CDH8: variants seen among roughly 807,000 people sequenced by gnomAD.
CDH8 encodes cadherin 8, also known as cadherin-8.
CDH8 carries 17 observed loss-of-function variants against 68.1 expected under a neutral mutation model. The observed-to-expected ratio is 0.25, with a 90% CI of 0.17 to 0.37. The LOEUF is 0.37. CDH8 is among the 10% of genes least tolerant of loss of function. The probability of loss-of-function intolerance (pLI) is 1.00; values close to 1 mark genes in which losing one functional copy is unlikely to be tolerated. For missense variants in CDH8, 763 were observed against 999.3 expected (o/e 0.76, Z 3.19); for synonymous variants, 372 against 365.1 (o/e 1.02, Z -0.21).
At chr16:62,012,776 C>A (rs1294688851) in intron 2 of CDH8, among the ~76,000 whole-genome samples, 1 of 152,056 alleles carries the variant, frequency 6.6e-6, no homozygotes, top group Non-Finnish European at 1.5e-5. Flanking sequence ...AGTTACTAAT[C>A]TGAATCAATG....
Position 61,976,787 on chromosome 16 carries a change from A to T in CDH8, c.252+44365T>A, listed in dbSNP as rs547851881. Among the ~76,000 whole-genome samples the T allele has an allele frequency of 3.9e-5, 6 of 152,262 alleles. No individual in the cohort carries two copies. The South Asian group carries it at 8.3e-4, about 21-fold the overall frequency. On this transcript the variant is annotated intron_variant, in intron 2 of 11. Transcript: ENST00000577390. The stretch of plus-strand genomic sequence containing the variant: ...TGGTGGAGACACTAATTGCAAATCA[A>T]AGTTAGAAGAATATGAGCAGTTAAA...
chr16:62,008,485 A>C (rs1220827821), intron 2 of CDH8, among the ~76,000 whole-genome samples: 1 of 151,200 alleles, frequency 6.6e-6, no homozygotes, highest in Non-Finnish European at 1.5e-5. Context: ...AACTATAGGA[A>C]CATTTAAATG....
chr16:61,803,441 G>A (rs1474036313), intron 7 of CDH8, among the ~76,000 whole-genome samples: 2 of 140,952 alleles, frequency 1.4e-5, no homozygotes, highest in East Asian at 4.0e-4. Context: ...ACATCATAAT[G>A]ACAGGATCAA....
rs1357363423 is a variant in CDH8, at chr16:61,653,695, C to T, written c.2313G>A (p.Gln771=). Residue 771 remains glutamine, a synonymous_variant, in exon 12 of 12, where the codon CAG becomes CAA. Transcript: ENST00000577390. ...CCCAGTCACTGAGGTAGTCAAAATT[C>T]TGGTCTGAGTCTGATGTGGTGGACT... is the stretch of plus-strand genomic sequence containing the variant. ...SLESTTSDSD[Q]NFDYLSDWGP... The T allele has an allele frequency of 6.2e-7, 1 of 1,614,164 alleles. No homozygotes were observed.
intron 9 of CDH8, among the ~76,000 whole-genome samples, chr16:61,722,759 G>A (rs978218265): frequency 6.6e-6 from 1 of 150,710 alleles, no homozygotes; most frequent in African/African-American, 2.4e-5. Flanking sequence ...TCATCCAGAA[G>A]TATAAGTGAC....
At chr16:61,988,473 T>TAGAA (rs1380028704) in intron 2 of CDH8, among the ~76,000 whole-genome samples, 2 of 152,148 alleles carry the variant, frequency 1.3e-5, no homozygotes, top group Non-Finnish European at 2.9e-5. Flanking sequence ...GTAAATATTC[T>TAGAA]AGTAATAACA....
intron 2 of CDH8, among the ~76,000 whole-genome samples, chr16:61,960,338 CAT>C (rs1965123945): frequency 2.5e-5 from 2 of 78,580 alleles, no homozygotes; most frequent in South Asian, 4.2e-4. Flanking sequence ...TGTATACACA[CAT>C]ATATACATGT....
chr16:61,781,130 T>C (rs965206851), intron 8 of CDH8, among the ~76,000 whole-genome samples: 3 of 152,210 alleles, frequency 2.0e-5, no homozygotes, highest in Non-Finnish European at 4.4e-5. Flanking sequence ...CTCAATGCCC[T>C]GGAGCATCTA....
intron 8 of CDH8, among the ~76,000 whole-genome samples, chr16:61,757,037 T>C (rs1960336995): frequency 6.6e-6 from 1 of 152,214 alleles, no homozygotes; most frequent in Admixed American, 6.5e-5. Context: ...CATTTGTGTC[T>C]ACATTATCTT....
At chr16:61,782,350 C>A (rs1961089505) in intron 8 of CDH8, among the ~76,000 whole-genome samples, 1 of 152,114 alleles carries the variant, frequency 6.6e-6, no homozygotes, top group Admixed American at 6.5e-5. Context: ...AAAATCGGGT[C>A]ACTCCAACCC....
At chr16:61,991,263 G>A (rs1057052234) in intron 2 of CDH8, among the ~76,000 whole-genome samples, 1 of 152,148 alleles carries the variant, frequency 6.6e-6, no homozygotes, top group African/African-American at 2.4e-5. Flanking sequence ...ATCTATTAAG[G>A]TACTACCATC....
chr16:61,950,473 G>T (rs1193896846), intron 2 of CDH8, among the ~76,000 whole-genome samples: 2 of 152,170 alleles, frequency 1.3e-5, no homozygotes, highest in African/African-American at 4.8e-5. Context: ...TAGCAGAAGG[G>T]ATGCGACTGG....
At position 62,011,274 on chromosome 16, in the gene CDH8, C is replaced by T. The variant is rs979454662; in HGVS notation, c.252+9878G>A. ...ATGCATATAGAGAAAAGGAAGTAGT[C>T]CATGGAACTGAGCAGACAACAGTTA... On this transcript the variant is annotated intron_variant, in intron 2 of 11. Transcript: ENST00000577390. Among the ~76,000 whole-genome samples, 4 of 152,122 alleles carry T rather than the reference C, an allele frequency of 2.6e-5. No individual in the cohort carries two copies. In the East Asian group the frequency reaches 5.8e-4, roughly 22 times the overall value.
intron 3 of CDH8, 91 bp downstream of exon 3, chr16:61,901,088 T>A: frequency 8.6e-7 from 1 of 1,163,724 alleles, no homozygotes. Flanking sequence ...TGGTAATAAA[T>A]GTCTTTCATT....
chr16:61,670,483 G>A (rs1963768975), intron 10 of CDH8, among the ~76,000 whole-genome samples: 1 of 151,888 alleles, frequency 6.6e-6, no homozygotes, highest in Non-Finnish European at 1.5e-5. Context: ...AATGCAATGA[G>A]AGAAACATAT....
intron 8 of CDH8, among the ~76,000 whole-genome samples, chr16:61,750,793 C>A (rs988314804): frequency 2.0e-5 from 3 of 152,048 alleles, no homozygotes; most frequent in African/African-American, 7.2e-5. Flanking sequence ...GAAAGCTATT[C>A]AGAATTTCAT....
At chr16:61,845,463 G>A (rs990326241) in intron 4 of CDH8, among the ~76,000 whole-genome samples, 4 of 140,158 alleles carry the variant, frequency 2.9e-5, no homozygotes, top group East Asian at 4.2e-4. Context: ...AAACTTTACC[G>A]CACGTGAAAA....
intron 3 of CDH8, among the ~76,000 whole-genome samples, chr16:61,884,759 C>A (rs1963642034): frequency 6.6e-6 from 1 of 152,084 alleles, no homozygotes; most frequent in African/African-American, 2.4e-5. Context: ...ACATAAAAAA[C>A]CATGTGTCAA....
At chr16:61,665,434 A>G (rs991146069) in intron 10 of CDH8, among the ~76,000 whole-genome samples, 3 of 152,044 alleles carry the variant, frequency 2.0e-5, no homozygotes, top group Admixed American at 6.6e-5. Flanking sequence ...GTTCTCACTC[A>G]TAAGTGGGAT....
Sources: gnomAD v4.1 joint callset for allele counts (sites outside exome capture counted in the v4.1 genomes callset) on GRCh38, gnomAD v4.1.1 for gene constraint, MANE v1.5 for transcripts, NCBI Gene and HGNC (gene_info 2026-07-23, HGNC 2026-07-21) for gene names.